ZBTB20: variants seen among roughly 807,000 people sequenced by gnomAD.
The protein encoded by ZBTB20 is zinc finger and BTB domain-containing protein 20.
In ZBTB20, 9 loss-of-function variants were observed where a neutral mutation model predicts 56.9. The ratio of observed to expected loss-of-function variants is 0.16; its 90% CI spans 0.10 to 0.28. The LOEUF is 0.28. ZBTB20 is among the 10% of genes least tolerant of loss of function. ZBTB20 has a pLI of 1.00. For missense variants in ZBTB20, 655 were observed against 1,003.0 expected (o/e 0.65, Z 4.69); for synonymous variants, 417 against 420.7 (o/e 0.99, Z 0.11).
At chr3:115,142,223 G>A (rs1247118852) in intron 1 of ZBTB20, among the ~76,000 whole-genome samples, 3 of 152,158 alleles carry the variant, frequency 2.0e-5, no homozygotes, top group South Asian at 2.1e-4. Context: ...GTATTGATAT[G>A]TCTTTATTCA....
At chr3:114,797,350 T>G (rs1327174733) in intron 5 of ZBTB20, among the ~76,000 whole-genome samples, 1 of 151,812 alleles carries the variant, frequency 6.6e-6, no homozygotes, top group Non-Finnish European at 1.5e-5. Context: ...CAATTCCTCC[T>G]CTAGTCACTG....
intron 4 of ZBTB20, among the ~76,000 whole-genome samples, chr3:114,809,737 G>GTA (rs1456004932): frequency 1.3e-5 from 2 of 151,632 alleles, no homozygotes; most frequent in Non-Finnish European, 2.9e-5. Flanking sequence ...CTTAAATTGG[G>GTA]TATGAGTCAC....
chr3:114,518,496 T>C (rs1282948065), intron 6 of ZBTB20: 2 of 152,202 alleles, frequency 1.3e-5, no homozygotes, highest in East Asian at 1.9e-4. Context: ...AACTTGTGTT[T>C]TTCTTTTCTT....
At chr3:114,579,707 G>C (rs1577719315) in intron 6 of ZBTB20, among the ~76,000 whole-genome samples, 1 of 150,308 alleles carries the variant, frequency 6.7e-6, no homozygotes, top group Non-Finnish European at 1.5e-5. Flanking sequence ...AAAGCAGAAG[G>C]GTCAAATAAA....
rs187224856 is a variant in ZBTB20 at position 114,947,947 on chromosome 3, C to T, written c.-456+26419G>A. Among the ~76,000 whole-genome samples, 304 of 145,142 alleles carry T rather than the reference C, an allele frequency of 2.1e-3. 55 individuals are homozygous for T. Among genetic ancestry groups the T allele is most frequent in the African/African-American group, 8.0e-3 (284 of 35,422 alleles). On this transcript the variant is annotated intron_variant, in intron 3 of 11. Coordinates refer to ENST00000675478, the MANE Select transcript of ZBTB20 (RefSeq NM_001348800.3). Reference sequence around the variant, plus strand: ...AGGGTAGAAATAGAGGGAATACATCCGAACTCATTTTATGAGAATAATATA... The same window carrying T: ...AGGGTAGAAATAGAGGGAATACATCTGAACTCATTTTATGAGAATAATATA...
chr3:114,597,666 C>T (rs903428494), intron 6 of ZBTB20, among the ~76,000 whole-genome samples: 4 of 152,142 alleles, frequency 2.6e-5, no homozygotes, highest in Non-Finnish European at 4.4e-5. Context: ...TTTTAACCTG[C>T]AGCAACATGG....
intron 6 of ZBTB20, among the ~76,000 whole-genome samples, chr3:114,620,551 C>A (rs773637675): frequency 3.3e-5 from 5 of 152,160 alleles, no homozygotes; most frequent in Admixed American, 2.0e-4. Flanking sequence ...CTCGGCCTCC[C>A]AAAGTGCTGG....
chr3:114,421,002 G>A (rs969149858), intron 7 of ZBTB20, among the ~76,000 whole-genome samples: 1 of 152,112 alleles, frequency 6.6e-6, no homozygotes, highest in South Asian at 2.1e-4. Flanking sequence ...ATTTGCTAAA[G>A]ACTTGGAGTC....
At chr3:114,453,219 G>A (rs1390800359) in intron 7 of ZBTB20, among the ~76,000 whole-genome samples, 1 of 152,104 alleles carries the variant, frequency 6.6e-6, no homozygotes, top group Admixed American at 6.5e-5. Flanking sequence ...ACAAAGCTAC[G>A]TGGCAATCAG....
At chr3:114,349,363 A>C (rs56104346) in intron 11 of ZBTB20, among the ~76,000 whole-genome samples, 50,189 of 151,968 alleles carry the variant, frequency 0.33, 8,848 homozygotes, top group South Asian at 0.41. Flanking sequence ...ATATCTCTGT[A>C]CCACTATGGA....
At chr3:114,968,647 G>A (rs1297050180) in intron 3 of ZBTB20, among the ~76,000 whole-genome samples, 5 of 152,064 alleles carry the variant, frequency 3.3e-5, no homozygotes, top group South Asian at 2.1e-4. Context: ...AACACACTTC[G>A]GTCACCTCCT....
At chr3:114,423,216 A>G (rs967611676) in intron 7 of ZBTB20, among the ~76,000 whole-genome samples, 9 of 152,144 alleles carry the variant, frequency 5.9e-5, no homozygotes, top group African/African-American at 2.2e-4. Context: ...ATTTTGTACA[A>G]TGGTACCTAG....
At chr3:114,444,943 G>A (rs190193880) in intron 7 of ZBTB20, among the ~76,000 whole-genome samples, 3 of 152,026 alleles carry the variant, frequency 2.0e-5, no homozygotes, top group South Asian at 2.1e-4. Flanking sequence ...CATGGTCCTC[G>A]ACCAGATATT....
chr3:114,753,153 A>T, intron 5 of ZBTB20, among the ~76,000 whole-genome samples: 1 of 151,518 alleles, frequency 6.6e-6, no homozygotes, highest in East Asian at 1.9e-4. Context: ...ATTATGAAAT[A>T]ATATGAGGAT....
chr3:114,993,668 T>C (rs2078912249), intron 2 of ZBTB20, among the ~76,000 whole-genome samples: 1 of 151,678 alleles, frequency 6.6e-6, no homozygotes, highest in Non-Finnish European at 1.5e-5. Flanking sequence ...ATTCCATGAG[T>C]CAAAGAAGAA....
At chr3:114,647,446 C>T (rs923865791) in intron 6 of ZBTB20, among the ~76,000 whole-genome samples, 18 of 152,148 alleles carry the variant, frequency 1.2e-4, no homozygotes, top group Non-Finnish European at 2.2e-4. Flanking sequence ...AAATATGAAG[C>T]CATGGGTGGC....
chr3:114,780,773 A>G (rs2070034565), intron 5 of ZBTB20, among the ~76,000 whole-genome samples: 1 of 152,210 alleles, frequency 6.6e-6, no homozygotes, highest in South Asian at 2.1e-4. Flanking sequence ...AGCGTGAGCC[A>G]CCACGCCTGG....
intron 11 of ZBTB20, among the ~76,000 whole-genome samples, chr3:114,346,243 C>T (rs942687787): frequency 6.6e-6 from 1 of 152,150 alleles, no homozygotes; most frequent in African/African-American, 2.4e-5. Flanking sequence ...AGGAAGGACA[C>T]ATGTCAAGCA....
intron 7 of ZBTB20, among the ~76,000 whole-genome samples, chr3:114,411,402 G>A (rs2087935046): frequency 6.6e-6 from 1 of 152,152 alleles, no homozygotes; most frequent in South Asian, 2.1e-4. Flanking sequence ...GGGTGGGAAT[G>A]GAGGATGGAA....
Sources: gnomAD v4.1 joint callset for allele counts (sites outside exome capture counted in the v4.1 genomes callset) on GRCh38, gnomAD v4.1.1 for gene constraint, MANE v1.5 for transcripts, NCBI Gene and HGNC (gene_info 2026-07-23, HGNC 2026-07-21) for gene names.